Variants in PTPN23 observed in about 807,000 individuals in gnomAD.
The protein encoded by PTPN23 is tyrosine-protein phosphatase non-receptor type 23.
A neutral mutation model predicts 156.3 loss-of-function variants in PTPN23; 72 were observed. That is an observed-to-expected ratio of 0.46 (90% CI 0.38 to 0.56). The LOEUF is 0.56. Ranked by LOEUF, PTPN23 falls within the 20% of genes least tolerant of loss-of-function variation. PTPN23 has a pLI of 0.00. For missense variants in PTPN23, 1,974 were observed against 2,171.5 expected (o/e 0.91, Z 1.81); for synonymous variants, 957 against 899.6 (o/e 1.06, Z -1.14).
Position 47,403,646 on chromosome 3 carries a change from G to A in PTPN23, c.160-1006G>A, listed in dbSNP as rs1345662726. ...CAGGCTCAATCGATCTTTTCCCGTC[G>A]GCCTCCCAAGGAGCTGGGACCAAAG... On this transcript the variant is annotated intron_variant, in intron 2 of 24. Transcript: ENST00000265562. Among the ~76,000 whole-genome samples the A allele has an allele frequency of 7.9e-5, 12 of 152,002 alleles. No homozygotes were observed. The East Asian group carries it at 1.9e-3, about 25-fold the overall frequency.
intron 17 of PTPN23, 21 bp from the exon 18 acceptor site, chr3:47,409,396 T>G: frequency 6.2e-7 from 1 of 1,613,922 alleles, no homozygotes. Context: ...TGTCCGTCCC[T>G]GGCCCCCACC....
At position 47,385,677 on chromosome 3, in the gene PTPN23, C is replaced by CA. The variant is rs907655791; in HGVS notation, c.84+4504dup. On this transcript the variant is annotated intron_variant, in intron 1 of 24. Coordinates refer to ENST00000265562, the MANE Select transcript of PTPN23 (RefSeq NM_015466.4). ...GGGCGACAGAGTGAGACCCTGTCTC[C>CA]AAAAAAACACCACAAAACCCTGTCT... 5.1e-4 allele frequency among the ~76,000 whole-genome samples: 77 copies of CA among 151,990 alleles called. 1 individual carries two copies. The highest frequency in any genetic ancestry group is 1.5e-3 in the African/African-American group (63 of 41,450).
At chr3:47,402,003 G>A (rs1705004364) in intron 2 of PTPN23, among the ~76,000 whole-genome samples, 1 of 152,164 alleles carries the variant, frequency 6.6e-6, no homozygotes. Flanking sequence ...GATTTCTTCT[G>A]GCTAAGTCCT....
chr3:47,391,247 A>G (rs1189217983), intron 1 of PTPN23, among the ~76,000 whole-genome samples: 5 of 152,198 alleles, frequency 3.3e-5, no homozygotes, highest in African/African-American at 1.2e-4. Context: ...TCTCGAAAAT[A>G]AAATAAAACA....
intron 14 of PTPN23, 81 bp downstream of exon 14, chr3:47,408,036 G>T: frequency 6.8e-7 from 1 of 1,470,710 alleles, no homozygotes; most frequent in East Asian, 2.4e-5. Context: ...GCCTATGCTG[G>T]GAGAGGAATG....
At position 47,412,186 on chromosome 3, in the gene PTPN23, T is replaced by C. The variant is rs750015324; in HGVS notation, c.4166T>C (p.Ile1389Thr). ...LHQRPLHTPIIVHCSSGVGRT... is the reference protein window; with the variant it reads ...LHQRPLHTPITVHCSSGVGRT... ...CAGCGGCCGCTGCACACGCCCATCA[T>C]TGTGCACTGCAGGTAGAGGGTGGGC... Residue 1389 changes from isoleucine (I) to threonine (T), a missense_variant, in exon 22 of 25, where the codon ATT becomes ACT. Around this residue, in one of 4 missense-constraint regions of PTPN23, gnomAD observed 484 missense variants for 516.0 expected, o/e 0.94. Coordinates refer to ENST00000265562, the MANE Select transcript of PTPN23 (RefSeq NM_015466.4). 20 of 1,613,212 alleles carry C rather than the reference T, an allele frequency of 1.2e-5. No individual in the cohort carries two copies. Among genetic ancestry groups the C allele is most frequent in the Middle Eastern group, 1.6e-4 (1 of 6,062 alleles).
In PTPN23 at chr3:47,411,256, G is replaced by A. The variant is rs761187184; in HGVS notation, c.3458G>A (p.Arg1153Gln). The A allele has an allele frequency of 3.0e-5, 48 of 1,609,230 alleles. No homozygotes were observed. Among genetic ancestry groups the A allele is most frequent in the Non-Finnish European group, 3.6e-5 (43 of 1,179,800 alleles). ...PTKVDAAEGR[R>Q]PQALRLIERD... ...AAGGTGGATGCAGCTGAGGGTCGTC[G>A]GCCGCAGGCCCTGCGGCTGATTGAG... Residue 1153 changes from arginine (R) to glutamine (Q), a missense_variant, in exon 20 of 25, where the codon CGG (arginine) becomes CAG (glutamine). Physicochemically the swap from Arg to Gln is conservative, Grantham distance 43 (BLOSUM62 1). This residue lies in a region of PTPN23 where 731 missense variants were observed against 669.1 expected (regional missense o/e 1.09). Transcript: ENST00000265562. The surrounding 1 kb of genome is among the most constrained non-coding windows in gnomAD (Gnocchi z 6.3).
chr3:47,386,684 A>T (rs1704660741), intron 1 of PTPN23, among the ~76,000 whole-genome samples: 1 of 152,222 alleles, frequency 6.6e-6, no homozygotes, highest in Non-Finnish European at 1.5e-5. Flanking sequence ...CTGGCTGCTC[A>T]GCAGTGAGGG....
chr3:47,401,027 C>T (rs1242995905), intron 2 of PTPN23, among the ~76,000 whole-genome samples: 1 of 151,242 alleles, frequency 6.6e-6, no homozygotes, highest in East Asian at 1.9e-4. Flanking sequence ...CTCAGCCTCC[C>T]AAGTAGCTGG....
chr3:47,383,577 A>G (rs1241241829), intron 1 of PTPN23, among the ~76,000 whole-genome samples: 1 of 152,172 alleles, frequency 6.6e-6, no homozygotes, highest in Non-Finnish European at 1.5e-5. Flanking sequence ...ATATTTCTCA[A>G]ATGATTGAAT....
chr3:47,395,918 G>C (rs769903150), intron 1 of PTPN23, among the ~76,000 whole-genome samples: 1 of 152,156 alleles, frequency 6.6e-6, no homozygotes, highest in Non-Finnish European at 1.5e-5. Flanking sequence ...TAGAGAGACT[G>C]CAGCGTTAGG....
intron 1 of PTPN23, among the ~76,000 whole-genome samples, chr3:47,391,001 T>G (rs1382323198): frequency 1.3e-5 from 2 of 152,014 alleles, no homozygotes; most frequent in Non-Finnish European, 2.9e-5. Flanking sequence ...TCCCAACACT[T>G]TGGGAGTCTG....
chr3:47,402,642 C>T (rs1024644845), intron 2 of PTPN23, among the ~76,000 whole-genome samples: 2 of 152,126 alleles, frequency 1.3e-5, no homozygotes, highest in African/African-American at 2.4e-5. Context: ...GCGATAATCA[C>T]GGTTAACATT....
chr3:47,408,993 C>T lies in PTPN23; in HGVS notation c.1548C>T (p.His516=), dbSNP rs151244361. The T allele has an allele frequency of 4.2e-5, 67 of 1,614,038 alleles. No homozygotes were observed. Among genetic ancestry groups the T allele is most frequent in the Admixed American group, 2.2e-4 (13 of 60,012 alleles). ...EKASFTNSEL[H]RAMNLHVGNL... ...CCTCCTTCACCAACAGTGAGCTGCA[C>T]CGTGCCATGAACCTGCACGTCGGCA... The change falls in exon 16 of 25, where the codon CAC becomes CAT. Residue 516 remains histidine, a synonymous_variant. Transcript: ENST00000265562.
At chr3:47,398,896 T>C (rs550445162) in intron 2 of PTPN23, among the ~76,000 whole-genome samples, 1 of 152,278 alleles carries the variant, frequency 6.6e-6, no homozygotes, top group African/African-American at 2.4e-5. Context: ...AGGTCTTTTC[T>C]GAGCCTGTAC....
In PTPN23 at chr3:47,410,540, A is replaced by G. The variant is rs112829452; in HGVS notation, c.2742A>G (p.Pro914=). Reference sequence around the variant, plus strand: ...CCCCGCCCTGCTTCCCTGTGCCCCCACCGCAGCCACTGCCCACGCCTTACA... The same window carrying G: ...CCCCGCCCTGCTTCCCTGTGCCCCCGCCGCAGCCACTGCCCACGCCTTACA... ...APPPPCFPVP[P]PQPLPTPYTY... is the part of the protein sequence containing the mutation. Residue 914 remains proline (P), a synonymous_variant, in exon 20 of 25, where the codon CCA becomes CCG. Transcript: ENST00000265562. 1 of 1,096,452 alleles carries G rather than the reference A, an allele frequency of 9.1e-7. No individual in the cohort carries two copies. The highest frequency in any genetic ancestry group is 3.3e-5 in the African/African-American group (1 of 30,034). 67.9% of individuals were successfully genotyped at this position (1,096,452 alleles called of 1,614,324 possible). A position where few individuals can be genotyped will look rare whatever the true frequency, so the allele number is the denominator to read the frequency against.
chr3:47,398,480 C>T (rs138477250), intron 2 of PTPN23, among the ~76,000 whole-genome samples: 19 of 152,116 alleles, frequency 1.2e-4, no homozygotes, highest in Middle Eastern at 6.8e-3. Context: ...CCCCCTTCCC[C>T]GGGATTTGCT....
chr3:47,396,069 G>T, intron 1 of PTPN23, 74 bp from the exon 2 acceptor site: 1 of 1,164,910 alleles, frequency 8.6e-7, no homozygotes. Context: ...AGTCCTGGTT[G>T]GTGCTTGCCC....
At chr3:47,402,481 C>T (rs1399846205) in intron 2 of PTPN23, among the ~76,000 whole-genome samples, 1 of 152,100 alleles carries the variant, frequency 6.6e-6, no homozygotes, top group African/African-American at 2.4e-5. Context: ...GGTTTCACCA[C>T]GTTGCCCAGG....
Sources: allele counts gnomAD v4.1 joint callset (sites outside exome capture counted in the v4.1 genomes callset), GRCh38; gene constraint gnomAD v4.1.1; regional missense constraint gnomAD v4.1.1; non-coding constraint Gnocchi (gnomAD v3.1); transcripts MANE v1.5; gene names NCBI Gene and HGNC (gene_info 2026-07-23, HGNC 2026-07-21).